Variants in FLII observed in about 807,000 individuals in gnomAD.
FLII encodes the protein protein flightless-1 homolog.
A neutral mutation model predicts 156.2 loss-of-function variants in FLII; 101 were observed. That is an observed-to-expected ratio of 0.65 (90% CI 0.55 to 0.76). The LOEUF (loss-of-function observed/expected upper bound fraction) is 0.76, where lower values mean the gene tolerates loss of function less well. Among genes scored for constraint, FLII ranks in the 30% least tolerant of loss-of-function variants. FLII has a pLI of 0.00. For missense variants in FLII, 1,675 were observed against 1,682.8 expected, an observed-to-expected ratio of 1.00 and a Z score of 0.08; for synonymous variants, 767 against 685.8, an observed-to-expected ratio of 1.12 and a Z score of -1.85.
In FLII at chr17:18,258,603, C is replaced by G; in HGVS notation, c.63+25G>C. ...CGGAAGAGAAGGCCTGCAGGGAGGCCCGGCACGCGCCCGGCCCGGCTCACC... is the reference window on the plus strand; with the variant it reads ...CGGAAGAGAAGGCCTGCAGGGAGGCGCGGCACGCGCCCGGCCCGGCTCACC... On this transcript the variant is annotated intron_variant, in intron 1 of 29. Coordinates refer to ENST00000327031, the MANE Select transcript of FLII (RefSeq NM_002018.4). This position sits in a 1 kb window ranked among gnomAD's most constrained non-coding sequence, Gnocchi z 4.2. 1 of 1,547,196 alleles carries G rather than the reference C, an allele frequency of 6.5e-7. No individual in the cohort carries two copies. Among genetic ancestry groups the G allele is most frequent in the East Asian group, 2.5e-5 (1 of 40,144 alleles).
At position 18,247,863 on chromosome 17, in the gene FLII, T is replaced by A. The variant is rs1030247930; in HGVS notation, c.2296-15A>T. 6.2e-7 allele frequency: 1 copy of A among 1,613,648 alleles called. No individual in the cohort carries two copies. The highest frequency in any genetic ancestry group is 8.5e-7 in the Non-Finnish European group (1 of 1,179,962). On this transcript the variant is annotated splice_polypyrimidine_tract_variant and intron_variant, in intron 19 of 29. Coordinates refer to ENST00000327031, the MANE Select transcript of FLII (RefSeq NM_002018.4). Reference sequence around the variant, plus strand: ...AGACTCTGCAGCTGCGGACCGGGAGTCTGGAGGTCAAAGCCCAGCCAACGG... The same window carrying A: ...AGACTCTGCAGCTGCGGACCGGGAGACTGGAGGTCAAAGCCCAGCCAACGG...
intron 20 of FLII, 48 bp downstream of exon 20, chr17:18,247,609 C>T (rs773359822): frequency 1.8e-5 from 26 of 1,483,904 alleles, no homozygotes; most frequent in Non-Finnish European, 2.2e-5. Context: ...CAGGGCATGT[C>T]AGGGTGCGAA....
intron 28 of FLII, 35 bp downstream of exon 28, chr17:18,245,520 T>G (rs1359822859): frequency 6.2e-7 from 1 of 1,611,824 alleles, no homozygotes; most frequent in African/African-American, 1.3e-5. Flanking sequence ...TATGGGCGCC[T>G]CCTTGGATGG....
intron 3 of FLII, among the ~76,000 whole-genome samples, chr17:18,255,587 A>C (rs2048390587): frequency 6.6e-6 from 1 of 152,190 alleles, no homozygotes; most frequent in Non-Finnish European, 1.5e-5. Context: ...CAGGGTTTTC[A>C]GAACAGAGGG....
Position 18,254,521 on chromosome 17 carries a change from C to T in FLII, c.575G>A (p.Arg192Gln), listed in dbSNP as rs768937372. The T allele has an allele frequency of 1.2e-5, 20 of 1,607,810 alleles. No homozygotes were observed. Among genetic ancestry groups the T allele is most frequent in the African/African-American group, 4.0e-5 (3 of 74,842 alleles). The change falls in exon 6 of 30, where the codon CGG becomes CAG. Residue 192 changes from arginine to glutamine, a missense_variant and splice_region_variant. Transcript: ENST00000327031. ...NGNPLLHAQL[R>Q]QLPAMTALQT... Reference sequence around the variant, plus strand: ...GAGTGCGGTCCGAGGGGGCGCCCACCGGAGCTGTGCATGCAGCAGGGGGTT... The same window carrying T: ...GAGTGCGGTCCGAGGGGGCGCCCACTGGAGCTGTGCATGCAGCAGGGGGTT...
Position 18,247,068 on chromosome 17 carries a change from A to ACGTC in FLII, c.2677-17_2677-16insGACG. On this transcript the variant is annotated splice_polypyrimidine_tract_variant and intron_variant, in intron 21 of 29. Transcript: ENST00000327031. The stretch of plus-strand genomic sequence containing the variant: ...GCTGCTCCGCCTGCAGGTGAGAGGG[A>ACGTC]CCCGCCCCGCGGCAGGTCTGAGCGC... 6.2e-7 allele frequency: 1 copy of ACGTC among 1,604,218 alleles called. No homozygotes were observed. The highest frequency in any genetic ancestry group is 8.5e-7 in the Non-Finnish European group (1 of 1,178,760).
In FLII at chr17:18,245,784, C is replaced by T. The variant is rs2048021794; in HGVS notation, c.3463G>A (p.Asp1155Asn). 6.2e-7 allele frequency: 1 copy of T among 1,614,088 alleles called. No individual in the cohort carries two copies. Among genetic ancestry groups the T allele is most frequent in the African/African-American group, 1.3e-5 (1 of 75,000 alleles). Residue 1155 changes from aspartate (D) to asparagine (N), a missense_variant, in exon 27 of 30, where the codon GAT becomes AAT. Asp to Asn is a conservative substitution (Grantham distance 23). Transcript: ENST00000327031. ...TGTTTCATGTACTCGGCATCGTCAT[C>T]ATAGGGCTTCTGTGCCCCAATGCCC... The part of the protein sequence containing the change: ...WVGIGAQKPY[D>N]DDAEYMKHTR...
At chr17:18,247,083 G>A (rs2048090595) in intron 21 of FLII, 31 bp from the exon 22 acceptor site, 3 of 1,604,520 alleles carry the variant, frequency 1.9e-6, no homozygotes, top group South Asian at 1.1e-5. Context: ...CCCCGCGGCA[G>A]GTCTGAGCGC....
intron 21 of FLII, 24 bp downstream of exon 21, chr17:18,247,145 C>T: frequency 7.1e-7 from 1 of 1,417,896 alleles, no homozygotes. Flanking sequence ...CCCCCCCGCG[C>T]CCCGGTCCCG....
intron 6 of FLII, 93 bp from the exon 7 acceptor site, chr17:18,254,275 AG>A (rs1325179247): frequency 9.5e-7 from 1 of 1,048,044 alleles, no homozygotes; most frequent in East Asian, 2.6e-5. Context: ...CACAGGGCCC[AG>A]AGGGTAGGTG....
Position 18,245,943 on chromosome 17 carries a change from G to GT in FLII, c.3386dup (p.Tyr1129Ter). 6.2e-7 allele frequency: 1 copy of GT among 1,614,044 alleles called. No individual in the cohort carries two copies. Among genetic ancestry groups the GT allele is most frequent in the South Asian group, 1.1e-5 (1 of 91,078 alleles). The change falls in exon 26 of 30, where the codon TAC becomes TAAC. Residue 1129 changes from tyrosine to a stop codon, truncating the protein, a stop_gained and frameshift_variant. Transcript: ENST00000327031. LOFTEE classifies it high-confidence loss of function. ...CCGCCCGCCTCCTGACCTGCTTGCT[G>GT]TAGGAGGTGTCAAACATGGTGTTCA... The part of the protein sequence containing the change: ...DILNTMFDTS[Y>*]SKQVINEGEE...
At chr17:18,256,204 G>GA (rs1220750218) in intron 3 of FLII, among the ~76,000 whole-genome samples, 1 of 152,246 alleles carries the variant, frequency 6.6e-6, no homozygotes. Flanking sequence ...TAGAGCATAT[G>GA]AAAAAATCCT....
intron 22 of FLII, 30 bp from the exon 23 acceptor site, chr17:18,246,858 C>T (rs774620684): frequency 4.6e-5 from 75 of 1,614,050 alleles, no homozygotes; most frequent in Non-Finnish European, 6.3e-5. Context: ...TGAGCAGGGG[C>T]TCGAGCCCCC....
chr17:18,253,661 G>T lies in FLII; in HGVS notation c.738C>A (p.Pro246=). ...TGCTGAGGTTGAGGCGGCGCAGGCT[G>T]GGGAGGGTGTACAGACACTCGGGCA... The part of the protein sequence containing the change: ...TRVPECLYTL[P]SLRRLNLSSN... Residue 246 remains proline, a synonymous_variant, in exon 8 of 30, where the codon CCC becomes CCA. Transcript: ENST00000327031. 1 of 1,613,872 alleles carries T rather than the reference G, an allele frequency of 6.2e-7. No individual in the cohort carries two copies. The highest frequency in any genetic ancestry group is 8.5e-7 in the Non-Finnish European group (1 of 1,180,008).
rs1462604648 is a variant in FLII, at chr17:18,256,573, T to G, written c.199A>C (p.Asn67His). ...KLEHLSVSHN[N>H]LTTLHGELSS... Reference sequence around the variant, plus strand: ...AGCTCCCCATGAAGCGTGGTCAGGTTGTTGTGGCTCACAGACAAGTGTTCC... The same window carrying G: ...AGCTCCCCATGAAGCGTGGTCAGGTGGTTGTGGCTCACAGACAAGTGTTCC... The change falls in exon 3 of 30, where the codon AAC becomes CAC. Residue 67 changes from asparagine (N) to histidine (H), a missense_variant. Transcript: ENST00000327031. The G allele has an allele frequency of 1.2e-5, 18 of 1,551,572 alleles. No homozygotes were observed. Among genetic ancestry groups the G allele is most frequent in the Non-Finnish European group, 1.5e-5 (17 of 1,147,018 alleles).
In FLII at chr17:18,244,947, G is replaced by C. The variant is rs1227559004; in HGVS notation, c.*191C>G. The C allele has an allele frequency of 6.1e-6, 4 of 651,296 alleles. No homozygotes were observed. In the East Asian group the frequency reaches 7.6e-5, roughly 12 times the overall value. The allele number at this position is 651,296 out of a possible 1,614,324, so 40.3% of individuals were successfully genotyped here. A position where few individuals can be genotyped will look rare whatever the true frequency, so the allele number is the denominator to read the frequency against. On this transcript the variant is annotated 3_prime_UTR_variant, in exon 30 of 30. Coordinates refer to ENST00000327031, the MANE Select transcript of FLII (RefSeq NM_002018.4). ...CACACGTGCACTCACACTGTGGAGAGAGTTGGATTTCCCAGACCCCTGAGG... is the reference window on the plus strand; with the variant it reads ...CACACGTGCACTCACACTGTGGAGACAGTTGGATTTCCCAGACCCCTGAGG...
In FLII at chr17:18,252,475, G is replaced by C. The variant is rs775311460; in HGVS notation, c.1095C>G (p.Ile365Met). ...LPEAIHFLTE[I>M]EVLDVRENPN... ...TCTCAAACCCAGCATGCCTGACCTC[G>C]ATCTCCGTCAGGAAATGGATGGCTT... The change falls in exon 10 of 30, where the codon ATC (isoleucine) becomes ATG (methionine). Residue 365 changes from isoleucine (I) to methionine (M), a missense_variant. Physicochemically the swap from Ile to Met is conservative, Grantham distance 10 (BLOSUM62 1). Transcript: ENST00000327031. 3 of 1,613,476 alleles carry C rather than the reference G, an allele frequency of 1.9e-6. No individual in the cohort carries two copies. Among genetic ancestry groups the C allele is most frequent in the East Asian group, 4.5e-5 (2 of 44,874 alleles).
chr17:18,255,716 G>A (rs2048396276), intron 3 of FLII, among the ~76,000 whole-genome samples: 2 of 152,142 alleles, frequency 1.3e-5, no homozygotes, highest in Non-Finnish European at 2.9e-5. Context: ...TGAGCATGAG[G>A]GAACAGGGCC....
chr17:18,251,459 C>T lies in FLII; in HGVS notation c.1402G>A (p.Ala468Thr). 6.2e-7 allele frequency: 1 copy of T among 1,607,468 alleles called. No individual in the cohort carries two copies. The highest frequency in any genetic ancestry group is 8.5e-7 in the Non-Finnish European group (1 of 1,176,688). Residue 468 changes from alanine to threonine, a missense_variant, in exon 13 of 30, where the codon GCC becomes ACC. By Grantham distance (58) the Ala-to-Thr change is moderately conservative. Around this residue, in one of 2 missense-constraint regions of FLII, gnomAD observed 1,332 missense variants for 1,269.3 expected, o/e 1.05. Transcript: ENST00000327031. ...CAACGCCGCACCTTCCCGCTGGGGGCCCGGGCATCTGCGCTCTCCTGGGGG... is the reference window on the plus strand; with the variant it reads ...CAACGCCGCACCTTCCCGCTGGGGGTCCGGGCATCTGCGCTCTCCTGGGGG... The part of the protein sequence containing the change: ...KKQEESADAR[A>T]PSGKVRRWDQ...
Sources: gnomAD v4.1 joint callset for allele counts (sites outside exome capture counted in the v4.1 genomes callset) on GRCh38, gnomAD v4.1.1 for gene constraint, gnomAD v4.1.1 regional missense constraint, Gnocchi (gnomAD v3.1) non-coding constraint, MANE v1.5 for transcripts, NCBI Gene and HGNC (gene_info 2026-07-23, HGNC 2026-07-21) for gene names.